Variants in AK8 observed in about 807,000 individuals in gnomAD.
AK8 encodes adenylate kinase 8, also known as ATP-AMP transphosphorylase 8.
Under a neutral mutation model 54.6 loss-of-function variants are expected in AK8, and 44 were observed. The ratio of observed to expected loss-of-function variants is 0.81; its 90% CI spans 0.63 to 1.04. The LOEUF (loss-of-function observed/expected upper bound fraction) is 1.04. Ranked by LOEUF, AK8 falls within the 50% of genes least tolerant of loss-of-function variation. The pLI is 0.00. For missense variants in AK8, 555 were observed against 613.6 expected (o/e 0.90, Z 1.01); for synonymous variants, 239 against 245.6 (o/e 0.97, Z 0.25).
rs1478287969 is a variant in AK8, at chr9:132,791,553, A to G, written c.1121+1081T>C. Among the ~76,000 whole-genome samples the G allele has an allele frequency of 6.6e-6, 1 of 152,236 alleles. No individual in the cohort carries two copies. Among genetic ancestry groups the G allele is most frequent in the Non-Finnish European group, 1.5e-5 (1 of 68,044 alleles). On this transcript the variant is annotated intron_variant, in intron 11 of 12. Transcript: ENST00000298545. The surrounding 1 kb of genome is among the most constrained non-coding windows in gnomAD (Gnocchi z 4.0). The stretch of plus-strand genomic sequence containing the variant: ...ATAAAATAGACAATAAAGAAGATCA[A>G]TGAGAGGGCCTTGTCCTGCATTGAC...
intron 11 of AK8, among the ~76,000 whole-genome samples, chr9:132,729,327 C>T (rs1836721848): frequency 1.3e-5 from 2 of 152,182 alleles, no homozygotes; most frequent in African/African-American, 4.8e-5. Context: ...CAGGACAGCA[C>T]CCACCTCAAA....
intron 4 of AK8, among the ~76,000 whole-genome samples, chr9:132,861,204 C>A (rs765410674): frequency 2.0e-5 from 3 of 152,332 alleles, no homozygotes; most frequent in Admixed American, 2.0e-4. Flanking sequence ...GATTCCAGAC[C>A]GTTCCATGCC....
intron 11 of AK8, among the ~76,000 whole-genome samples, chr9:132,778,290 C>G (rs1564396511): frequency 6.6e-6 from 1 of 152,180 alleles, no homozygotes; most frequent in Non-Finnish European, 1.5e-5. Context: ...AAGGCTAACA[C>G]CCTGCTCGTC....
intron 11 of AK8, among the ~76,000 whole-genome samples, chr9:132,785,190 T>C (rs1391135325): frequency 5.3e-5 from 8 of 151,632 alleles, no homozygotes; most frequent in African/African-American, 1.9e-4. Flanking sequence ...CTGCAACCTC[T>C]GCCTCCCGGG....
chr9:132,863,702 G>T lies in AK8; in HGVS notation c.296C>A (p.Thr99Lys), dbSNP rs189867128. The T allele has an allele frequency of 1.2e-6, 2 of 1,614,026 alleles. No homozygotes were observed. The highest frequency in any genetic ancestry group is 2.2e-5 in the South Asian group (2 of 91,054). Reference sequence around the variant, plus strand: ...ATAAAGCCTTCTGGCTTCGGTGGCCGTATAGGAAAACTCATTTAAGATCAG... The same window carrying T: ...ATAAAGCCTTCTGGCTTCGGTGGCCTTATAGGAAAACTCATTTAAGATCAG... Reference protein sequence around the residue: ...ENLILNEFSYTATEARRLYLQ... With the variant: ...ENLILNEFSYKATEARRLYLQ... Residue 99 changes from threonine to lysine, a missense_variant, in exon 4 of 13, where the codon ACG (threonine) becomes AAG (lysine). By Grantham distance (78) the Thr-to-Lys change is moderately conservative. Transcript: ENST00000298545.
chr9:132,802,267 T>C (rs542503424), intron 10 of AK8, among the ~76,000 whole-genome samples: 8 of 151,958 alleles, frequency 5.3e-5, no homozygotes, highest in Non-Finnish European at 1.0e-4. Flanking sequence ...CCCGGTGTGG[T>C]GTGGGAGATT....
chr9:132,835,614 C>T (rs529099044), intron 5 of AK8, among the ~76,000 whole-genome samples: 1 of 152,300 alleles, frequency 6.6e-6, no homozygotes, highest in East Asian at 1.9e-4. Context: ...GTCACTTCAT[C>T]CCCTCTGGCC....
chr9:132,862,798 T>A (rs895523620), intron 4 of AK8, among the ~76,000 whole-genome samples: 4 of 152,114 alleles, frequency 2.6e-5, no homozygotes, highest in African/African-American at 9.7e-5. Context: ...TCCTGAGGAT[T>A]TGGCTTTGAA....
chr9:132,860,933 G>A lies in AK8; in HGVS notation c.333+2732C>T, dbSNP rs533393329. On this transcript the variant is annotated intron_variant, in intron 4 of 12. Transcript: ENST00000298545. This position sits in a 1 kb window ranked among gnomAD's most constrained non-coding sequence, Gnocchi z 4.4. ...TCTGGACTAAAACACCCATGGGGAA[G>A]GTCAAATGCTGTCTGGGTTTGCTTT... is the stretch of plus-strand genomic sequence containing the variant. Among the ~76,000 whole-genome samples, 2 of 152,340 alleles carry A rather than the reference G, an allele frequency of 1.3e-5. No homozygotes were observed. The highest frequency in any genetic ancestry group is 4.8e-5 in the African/African-American group (2 of 41,584).
intron 5 of AK8, among the ~76,000 whole-genome samples, chr9:132,832,131 A>G (rs1842130440): frequency 7.3e-6 from 1 of 137,632 alleles, no homozygotes; most frequent in Non-Finnish European, 1.5e-5. Flanking sequence ...AGGTTCCCGT[A>G]GCCTCCACTG....
At chr9:132,814,278 C>CAAAAAAAAAAA (rs71376658) in intron 10 of AK8, among the ~76,000 whole-genome samples, 1 of 63,898 alleles carries the variant, frequency 1.6e-5, no homozygotes, top group African/African-American at 6.8e-5. Context: ...TACCCTGTCT[C>CAAAAAAAAAAA]AAAAAAAAAA....
At chr9:132,729,421 G>A (rs545123331) in intron 11 of AK8, among the ~76,000 whole-genome samples, 2 of 152,330 alleles carry the variant, frequency 1.3e-5, no homozygotes, top group East Asian at 3.9e-4. Flanking sequence ...GAGAAGAGGT[G>A]TGGCTGCTCT....
chr9:132,788,404 T>G (rs1420004662), intron 11 of AK8, among the ~76,000 whole-genome samples: 1 of 152,328 alleles, frequency 6.6e-6, no homozygotes, highest in African/African-American at 2.4e-5. Context: ...AAATTGATCT[T>G]TTGTTATTGA....
chr9:132,737,154 C>T (rs1165325342), intron 11 of AK8, among the ~76,000 whole-genome samples: 3 of 152,072 alleles, frequency 2.0e-5, no homozygotes, highest in African/African-American at 7.2e-5. Flanking sequence ...ATTTAACACA[C>T]ACACACACAC....
chr9:132,818,026 T>C (rs1228725561), intron 9 of AK8, among the ~76,000 whole-genome samples: 2 of 152,130 alleles, frequency 1.3e-5, no homozygotes, highest in East Asian at 3.8e-4. Flanking sequence ...TGAGATTTCA[T>C]CAGAAGAAGT....
intron 10 of AK8, among the ~76,000 whole-genome samples, chr9:132,810,888 A>G (rs1840972996): frequency 6.6e-6 from 1 of 152,220 alleles, no homozygotes; most frequent in African/African-American, 2.4e-5. Flanking sequence ...ATAAAGAAAA[A>G]TTAATGGAAA....
intron 5 of AK8, among the ~76,000 whole-genome samples, chr9:132,850,139 C>T (rs540863702): frequency 6.8e-6 from 1 of 146,790 alleles, no homozygotes; most frequent in African/African-American, 2.5e-5. Flanking sequence ...CTGCAACTTC[C>T]ACCTCCTGGG....
At chr9:132,777,540 A>G (rs993650771) in intron 11 of AK8, among the ~76,000 whole-genome samples, 3 of 152,210 alleles carry the variant, frequency 2.0e-5, no homozygotes, top group Non-Finnish European at 4.4e-5. Flanking sequence ...TGACAACATT[A>G]TCTCAGTTGT....
intron 11 of AK8, among the ~76,000 whole-genome samples, chr9:132,776,233 C>T (rs912994301): frequency 6.6e-6 from 1 of 152,216 alleles, no homozygotes; most frequent in African/African-American, 2.4e-5. Flanking sequence ...TGGCCTATCA[C>T]CACCATTACT....
Sources: gnomAD v4.1 joint callset for allele counts (sites outside exome capture counted in the v4.1 genomes callset) on GRCh38, gnomAD v4.1.1 for gene constraint, Gnocchi (gnomAD v3.1) non-coding constraint, MANE v1.5 for transcripts, NCBI Gene and HGNC (gene_info 2026-07-23, HGNC 2026-07-21) for gene names.